Variants in LRGUK observed in about 807,000 individuals in gnomAD.
The protein encoded by LRGUK is leucine rich repeats and guanylate kinase domain containing.
Under a neutral mutation model 76.0 loss-of-function variants are expected in LRGUK, and 65 were observed. The ratio of observed to expected loss-of-function variants is 0.85; its 90% CI spans 0.70 to 1.05. The LOEUF is 1.05. LRGUK is among the 50% of genes least tolerant of loss of function. LRGUK has a pLI of 0.00. For missense variants in LRGUK, 758 were observed against 732.8 expected, an observed-to-expected ratio of 1.03 and a Z score of -0.40; for synonymous variants, 268 against 265.6, an observed-to-expected ratio of 1.01 and a Z score of -0.09.
intron 16 of LRGUK, among the ~76,000 whole-genome samples, chr7:134,230,545 T>G (rs1214492780): frequency 6.6e-6 from 1 of 152,226 alleles, no homozygotes; most frequent in African/African-American, 2.4e-5. Flanking sequence ...CAAAAATGTT[T>G]ATAGTAGCAT....
intron 6 of LRGUK, among the ~76,000 whole-genome samples, chr7:134,160,630 T>C (rs1798686278): frequency 1.3e-5 from 2 of 152,186 alleles, no homozygotes; most frequent in African/African-American, 4.8e-5. Context: ...TTATGATAAA[T>C]ATAAGGGGAA....
At chr7:134,218,355 G>A (rs989128837) in intron 15 of LRGUK, among the ~76,000 whole-genome samples, 9 of 152,182 alleles carry the variant, frequency 5.9e-5, no homozygotes, top group South Asian at 4.1e-4. Context: ...TGCTTTCAAA[G>A]AGAGATCAAC....
At chr7:134,190,540 T>G (rs937233681) in intron 11 of LRGUK, among the ~76,000 whole-genome samples, 8 of 152,222 alleles carry the variant, frequency 5.3e-5, no homozygotes, top group African/African-American at 1.9e-4. Flanking sequence ...CAGTAAAATC[T>G]AAAAATCAGT....
chr7:134,227,245 A>G (rs1279105611), intron 16 of LRGUK, among the ~76,000 whole-genome samples: 2 of 152,150 alleles, frequency 1.3e-5, no homozygotes, highest in East Asian at 1.9e-4. Context: ...GGACAATAAC[A>G]TCGAAGTATG....
chr7:134,188,540 T>A (rs1309803693), intron 11 of LRGUK, among the ~76,000 whole-genome samples: 4 of 152,012 alleles, frequency 2.6e-5, no homozygotes, highest in African/African-American at 9.7e-5. Flanking sequence ...CAGAAAATGG[T>A]GTGTAGTTAC....
chr7:134,231,550 CCCTCCCTT>C (rs1481766457), intron 16 of LRGUK, among the ~76,000 whole-genome samples: 3 of 130,046 alleles, frequency 2.3e-5, no homozygotes, highest in East Asian at 2.6e-4. Flanking sequence ...CTCCCTCCGT[CCCTCCCTT>C]CCTCCCTTCC....
intron 1 of LRGUK, 97 bp from the exon 2 acceptor site, chr7:134,136,926 T>C: frequency 9.7e-7 from 1 of 1,034,858 alleles, no homozygotes; most frequent in Non-Finnish European, 1.4e-6. Context: ...AGCTCCTGGG[T>C]ATAAAATATA....
intron 10 of LRGUK, 142 bp from the exon 11 acceptor site, chr7:134,183,592 C>T: frequency 1.4e-6 from 1 of 736,416 alleles, no homozygotes; most frequent in Admixed American, 2.9e-5. Flanking sequence ...CAATCTGTTT[C>T]TGGAAAGGAC....
chr7:134,137,034 T>TG lies in LRGUK; in HGVS notation c.313dup (p.Val105GlyfsTer22). 6.2e-7 allele frequency: 1 copy of TG among 1,613,094 alleles called. No individual in the cohort carries two copies. Among genetic ancestry groups the TG allele is most frequent in the Non-Finnish European group, 8.5e-7 (1 of 1,179,572 alleles). ...TGGGTTTTTTACAGGAGGAATTTGA[T>TG]GGGGTCCTGAGAGAGGAGGCTGTGG... On this transcript the variant is annotated frameshift_variant, in exon 2 of 16. Coordinates refer to ENST00000645682, the Ensembl canonical transcript of LRGUK. LOFTEE classifies it high-confidence loss of function.
At chr7:134,181,330 T>C (rs994484671) in intron 10 of LRGUK, among the ~76,000 whole-genome samples, 3 of 152,180 alleles carry the variant, frequency 2.0e-5, no homozygotes, top group Non-Finnish European at 4.4e-5. Context: ...GTTACTCCAT[T>C]GTCTTTTGGC....
intron 15 of LRGUK, among the ~76,000 whole-genome samples, chr7:134,205,637 A>G (rs1800972531): frequency 6.6e-6 from 1 of 152,244 alleles, no homozygotes; most frequent in African/African-American, 2.4e-5. Flanking sequence ...GATTCTGTGA[A>G]AGACAGCTTT....
rs561886664 is a variant in LRGUK, at chr7:134,260,959, G to A, written c.2347+2554G>A. Among the ~76,000 whole-genome samples, 6 of 152,318 alleles carry A rather than the reference G, an allele frequency of 3.9e-5. No homozygotes were observed. In the South Asian group the frequency reaches 1.0e-3, roughly 26 times the overall value. On this transcript the variant is annotated intron_variant, in intron 19 of 19. Coordinates refer to the LRGUK transcript ENST00000285928. ...TTGCCCCAAATCACTGCAACGTGCT[G>A]GGGTGAGGCGGGGCAAGGGCAGGTG...
At chr7:134,184,806 G>T in intron 11 of LRGUK, among the ~76,000 whole-genome samples, 1 of 152,112 alleles carries the variant, frequency 6.6e-6, no homozygotes, top group East Asian at 1.9e-4. Context: ...TTCAGTCTCA[G>T]CCCAAATCAC....
At chr7:134,198,627 G>A (rs1055948706) in intron 13 of LRGUK, among the ~76,000 whole-genome samples, 5 of 152,274 alleles carry the variant, frequency 3.3e-5, no homozygotes, top group African/African-American at 4.8e-5. Context: ...TTTGTGCGGC[G>A]TCTACAGGAG....
chr7:134,208,793 G>T, exon 16 of LRGUK: 1 of 399,006 alleles, frequency 2.5e-6, no homozygotes, highest in Non-Finnish European at 4.4e-6. Flanking sequence ...GCAAGCAGAT[G>T]GCCAGATGAC....
chr7:134,166,616 T>C (rs1410322838), intron 7 of LRGUK, among the ~76,000 whole-genome samples: 1 of 152,222 alleles, frequency 6.6e-6, no homozygotes, highest in African/African-American at 2.4e-5. Context: ...ACTTGAATCC[T>C]GAGTAATAAC....
intron 3 of LRGUK, chr7:134,141,482 A>G (rs1797762954): frequency 6.6e-6 from 1 of 152,298 alleles, no homozygotes; most frequent in Non-Finnish European, 1.5e-5. Flanking sequence ...AGGTCACTGC[A>G]CTGATAGGGA....
chr7:134,174,600 C>A, exon 8 of LRGUK: 1 of 1,608,200 alleles, frequency 6.2e-7, no homozygotes, highest in Non-Finnish European at 8.5e-7. Flanking sequence ...ATTTACCCAT[C>A]CTTCGAGTTC....
At chr7:134,258,469 G>A (rs557441963) in intron 19 of LRGUK, 64 bp downstream of exon 19, 46 of 1,465,862 alleles carry the variant, frequency 3.1e-5, no homozygotes, top group African/African-American at 9.8e-5. Context: ...AGGCCGAGGC[G>A]AATGGATCTC....
Sources: gnomAD v4.1 joint callset for allele counts (sites outside exome capture counted in the v4.1 genomes callset) on GRCh38, gnomAD v4.1.1 for gene constraint, MANE v1.5 for transcripts, NCBI Gene and HGNC (gene_info 2026-07-23, HGNC 2026-07-21) for gene names.